PCGF6: variants seen among roughly 807,000 people sequenced by gnomAD.
PCGF6 encodes the protein polycomb group ring finger 6, also known as polycomb group RING finger protein 6.
In PCGF6, 24 loss-of-function variants were observed where a neutral mutation model predicts 45.5. The ratio of observed to expected loss-of-function variants is 0.53; its 90% CI spans 0.38 to 0.74. The LOEUF is 0.74. PCGF6 is among the 30% of genes least tolerant of loss of function. The probability of loss-of-function intolerance (pLI) is 0.00; values close to 1 mark genes in which losing one functional copy is unlikely to be tolerated. For synonymous variants in PCGF6, 152 were observed against 162.1 expected, an observed-to-expected ratio of 0.94 and a Z score of 0.47; for missense variants, 356 against 443.2, an observed-to-expected ratio of 0.80 and a Z score of 1.77.
At chr10:103,314,372 T>G (rs2093167451) in intron 8 of PCGF6, 100 bp from the exon 9 acceptor site, 1 of 750,472 alleles carries the variant, frequency 1.3e-6, no homozygotes, top group South Asian at 1.9e-5. Context: ...CAAACTAGAT[T>G]TTGTAATTTT....
chr10:103,337,831 G>A (rs186778740), intron 6 of PCGF6, among the ~76,000 whole-genome samples: 5,547 of 62,812 alleles, frequency 0.088, 1,688 homozygotes, highest in Middle Eastern at 0.13. Flanking sequence ...TTGGGAGGCC[G>A]AGGCGGGCGG....
intron 1 of PCGF6, among the ~76,000 whole-genome samples, chr10:103,349,273 C>T (rs921786101): frequency 6.6e-6 from 1 of 151,702 alleles, no homozygotes; most frequent in Non-Finnish European, 1.5e-5. Flanking sequence ...GTCTCGAACC[C>T]CTGGCCTCAG....
intron 6 of PCGF6, among the ~76,000 whole-genome samples, chr10:103,335,254 G>C (rs2133584730): frequency 6.6e-6 from 1 of 151,548 alleles, no homozygotes; most frequent in East Asian, 1.9e-4. Flanking sequence ...GGGTCTCGCT[G>C]TGTTGGCCAG....
intron 6 of PCGF6, among the ~76,000 whole-genome samples, chr10:103,336,323 ATATAT>A (rs1252755766): frequency 6.6e-6 from 1 of 151,558 alleles, no homozygotes; most frequent in Non-Finnish European, 1.5e-5. Flanking sequence ...CCTATAAATG[ATATAT>A]TATTTTATAT....
rs2093293892 is a variant in PCGF6, at chr10:103,344,907, A to T, written c.782+117T>A. 7.5e-6 allele frequency: 5 copies of T among 665,514 alleles called. No individual in the cohort carries two copies. The South Asian group carries it at 1.1e-4, about 14-fold the overall frequency. 41.2% of individuals were successfully genotyped at this position (665,514 alleles called of 1,614,324 possible). A position where few individuals can be genotyped will look rare whatever the true frequency, so the allele number is the denominator to read the frequency against. On this transcript the variant is annotated intron_variant, in intron 6 of 9. Transcript: ENST00000369847. ...TTCTAATTATTTCTAATATTCAGTT[A>T]TTTCATAATTTTCCAAGGGGATGTC...
chr10:103,338,752 C>T (rs2093267793), intron 6 of PCGF6, among the ~76,000 whole-genome samples: 1 of 151,954 alleles, frequency 6.6e-6, no homozygotes, highest in Non-Finnish European at 1.5e-5. Flanking sequence ...CCTGTAATCC[C>T]AGCTACTTGG....
chr10:103,346,591 T>A (rs973977731), intron 5 of PCGF6, among the ~76,000 whole-genome samples: 9 of 152,184 alleles, frequency 5.9e-5, no homozygotes, highest in Non-Finnish European at 8.8e-5. Flanking sequence ...GCCACTGCAC[T>A]CCAGCCTGGT....
At position 103,350,705 on chromosome 10, in the gene PCGF6, A is replaced by G; in HGVS notation, c.360+2T>C. ...GCGGGGTCGCGCGGGGGCTCTAAAT[A>G]CCTCCTCCTCGTCCTCCGAGTCCTG... On this transcript the variant is annotated splice_donor_variant, in intron 1 of 9. Coordinates refer to ENST00000369847, the MANE Select transcript of PCGF6 (RefSeq NM_001011663.2). LOFTEE classifies it high-confidence loss of function. 1 of 1,502,912 alleles carries G rather than the reference A, an allele frequency of 6.7e-7. No individual in the cohort carries two copies. Among genetic ancestry groups the G allele is most frequent in the Non-Finnish European group, 8.9e-7 (1 of 1,122,844 alleles). 93.1% of individuals were successfully genotyped at this position (1,502,912 alleles called of 1,614,324 possible).
At position 103,340,195 on chromosome 10, in the gene PCGF6, AAAAATAT is replaced by A. The variant is rs1231465303; in HGVS notation, c.782+4822_782+4828del. On this transcript the variant is annotated intron_variant, in intron 6 of 9. Coordinates refer to ENST00000369847, the MANE Select transcript of PCGF6 (RefSeq NM_001011663.2). ...CTGTCTCAGGGAAAAAAAAAAAAAAAAAAATATATATATATATATATATATATTTTAT... is the reference window on the plus strand; with the variant it reads ...CTGTCTCAGGGAAAAAAAAAAAAAAAATATATATATATATATATATTTTAT... Among the ~76,000 whole-genome samples the A allele has an allele frequency of 8.5e-5, 9 of 105,562 alleles. No individual in the cohort carries two copies. In the East Asian group the frequency reaches 1.2e-3, roughly 14 times the overall value. The allele number at this position is 105,562 out of a possible 152,430, so 69.3% of individuals were successfully genotyped here.
At chr10:103,347,757 T>C (rs1467922612) in intron 3 of PCGF6, among the ~76,000 whole-genome samples, 1 of 152,168 alleles carries the variant, frequency 6.6e-6, no homozygotes, top group Non-Finnish European at 1.5e-5. Flanking sequence ...GGCTCAATCA[T>C]GGCTCACTGC....
intron 7 of PCGF6, among the ~76,000 whole-genome samples, chr10:103,330,951 T>C (rs2093238057): frequency 6.6e-6 from 1 of 152,018 alleles, no homozygotes; most frequent in Non-Finnish European, 1.5e-5. Context: ...AAGAAACCTG[T>C]ACCTCTTGGT....
At chr10:103,333,140 C>A (rs917642641) in intron 7 of PCGF6, among the ~76,000 whole-genome samples, 1 of 147,458 alleles carries the variant, frequency 6.8e-6, no homozygotes, top group Non-Finnish European at 1.5e-5. Flanking sequence ...AAAAAAAAAT[C>A]ATGAGGACTT....
In PCGF6 at chr10:103,326,022, CCT is replaced by C. The variant is rs200906770; in HGVS notation, c.909+510_909+511del. On this transcript the variant is annotated intron_variant, in intron 8 of 9. Transcript: ENST00000369847. ...TTCAGCCTGGGCAACAGAAACAGAC[CCT>C]GTCTCAAAAAAAGAAATGGACAGTA... Among the ~76,000 whole-genome samples the C allele has an allele frequency of 2.1e-3, 316 of 151,668 alleles. 10 individuals are homozygous for C. The East Asian group carries it at 0.055, about 26-fold the overall frequency.
intron 7 of PCGF6, among the ~76,000 whole-genome samples, chr10:103,332,208 T>C (rs916677711): frequency 6.6e-6 from 1 of 152,186 alleles, no homozygotes; most frequent in Non-Finnish European, 1.5e-5. Flanking sequence ...TACCATGTTT[T>C]TTCATGTGTA....
At chr10:103,314,392 T>C (rs1483099544) in intron 8 of PCGF6, 120 bp from the exon 9 acceptor site, 2 of 591,248 alleles carry the variant, frequency 3.4e-6, no homozygotes, top group African/African-American at 3.9e-5. Context: ...TATTTTAGAC[T>C]GATTAAACGC....
At chr10:103,340,198 A>ATATATAT (rs1246929739) in intron 6 of PCGF6, among the ~76,000 whole-genome samples, 6 of 87,890 alleles carry the variant, frequency 6.8e-5, no homozygotes, top group Admixed American at 2.9e-4. Context: ...AAAAAAAAAA[A>ATATATAT]ATATATATAT....
chr10:103,311,769 A>G (rs188628726), intron 9 of PCGF6, among the ~76,000 whole-genome samples: 6 of 152,104 alleles, frequency 3.9e-5, no homozygotes, highest in Admixed American at 3.9e-4. Flanking sequence ...CCTAAGAGGG[A>G]GCAGAAACCT....
intron 8 of PCGF6, among the ~76,000 whole-genome samples, chr10:103,323,917 T>C (rs2093206926): frequency 6.6e-6 from 1 of 151,684 alleles, no homozygotes; most frequent in Non-Finnish European, 1.5e-5. Flanking sequence ...TTAATTTAAC[T>C]AACAATACAG....
At chr10:103,335,773 C>A (rs915219706) in intron 6 of PCGF6, among the ~76,000 whole-genome samples, 1 of 151,864 alleles carries the variant, frequency 6.6e-6, no homozygotes, top group South Asian at 2.1e-4. Context: ...CAAGAGCAGC[C>A]GGGCCAACAT....
Sources: gnomAD v4.1 joint callset for allele counts (sites outside exome capture counted in the v4.1 genomes callset) on GRCh38, gnomAD v4.1.1 for gene constraint, MANE v1.5 for transcripts, NCBI Gene and HGNC (gene_info 2026-07-23, HGNC 2026-07-21) for gene names.